Variants in KCNJ6 observed in about 807,000 individuals in gnomAD.
KCNJ6 encodes the protein potassium inwardly rectifying channel subfamily J member 6.
In KCNJ6, 9 loss-of-function variants were observed where a neutral mutation model predicts 34.2. That is an observed-to-expected ratio of 0.26 (90% CI 0.16 to 0.46). The LOEUF (loss-of-function observed/expected upper bound fraction) is 0.46, where lower values mean the gene tolerates loss of function less well. KCNJ6 is among the 20% of genes least tolerant of loss of function. The pLI, the probability that KCNJ6 is intolerant of heterozygous loss-of-function variation, is 1.00. For missense variants in KCNJ6, 236 were observed against 531.3 expected (o/e 0.44, Z 5.46); for synonymous variants, 196 against 207.1 (o/e 0.95, Z 0.46).
intron 2 of KCNJ6, among the ~76,000 whole-genome samples, chr21:37,795,040 A>G (rs2055234571): frequency 6.6e-6 from 1 of 152,196 alleles, no homozygotes; most frequent in African/African-American, 2.4e-5. Context: ...TAAGGCTGGT[A>G]TGAAGTAGGT....
intron 3 of KCNJ6, among the ~76,000 whole-genome samples, chr21:37,631,663 G>A (rs1007653990): frequency 6.6e-6 from 1 of 152,180 alleles, no homozygotes; most frequent in Non-Finnish European, 1.5e-5. Context: ...TTTAACCTGA[G>A]AGTGGCCCCA....
intron 2 of KCNJ6, among the ~76,000 whole-genome samples, chr21:37,819,596 A>C (rs2835988): frequency 0.58 from 88,864 of 151,954 alleles, 26,994 homozygotes; most frequent in South Asian, 0.76. Flanking sequence ...AACCAGGCAG[A>C]AGTAACCTTT....
At chr21:37,718,476 T>C (rs1273165085) in intron 2 of KCNJ6, among the ~76,000 whole-genome samples, 2 of 152,188 alleles carry the variant, frequency 1.3e-5, no homozygotes, top group Admixed American at 1.3e-4. Context: ...GGGTTTAGTG[T>C]TTGTAATGAA....
intron 3 of KCNJ6, among the ~76,000 whole-genome samples, chr21:37,647,120 A>G (rs1052671001): frequency 6.6e-6 from 1 of 152,228 alleles, no homozygotes; most frequent in Non-Finnish European, 1.5e-5. Context: ...GAAGTAATAC[A>G]TGAGGATATA....
At chr21:37,653,361 C>G (rs909040514) in intron 3 of KCNJ6, among the ~76,000 whole-genome samples, 3 of 152,190 alleles carry the variant, frequency 2.0e-5, no homozygotes, top group East Asian at 1.9e-4. Context: ...GAAGTTGACA[C>G]GTGAACTAGT....
chr21:37,655,263 G>A (rs1241146491), intron 3 of KCNJ6, among the ~76,000 whole-genome samples: 63 of 99,252 alleles, frequency 6.3e-4, no homozygotes, highest in South Asian at 9.9e-4. Flanking sequence ...GAGAGAGAGA[G>A]AGAGAGAGAG....
At chr21:37,903,601 C>T (rs936827066) in intron 1 of KCNJ6, among the ~76,000 whole-genome samples, 2 of 152,114 alleles carry the variant, frequency 1.3e-5, no homozygotes, top group African/African-American at 4.8e-5. Context: ...ATCAGATTAC[C>T]GGTGTCTGAA....
intron 2 of KCNJ6, among the ~76,000 whole-genome samples, chr21:37,724,740 C>T (rs1406600694): frequency 6.6e-6 from 1 of 152,130 alleles, no homozygotes; most frequent in African/African-American, 2.4e-5. Context: ...GGGGCTAGAG[C>T]TGAGGGCGAC....
Position 37,715,104 on chromosome 21 carries a change from T to A in KCNJ6, c.53A>T (p.Asp18Val), listed in dbSNP as rs1167413917. Residue 18 changes from aspartate (D) to valine (V), a missense_variant, in exon 3 of 4, where the codon GAT becomes GTT. By Grantham distance (152) the Asp-to-Val change is radical. This residue lies in a region of KCNJ6 where 64 missense variants were observed against 68.9 expected (regional missense o/e 0.93). Coordinates refer to ENST00000609713, the MANE Select transcript of KCNJ6 (RefSeq NM_002240.5). ...GGCCACTGGGCTTTCGACGTCCTGATCCATGGAGTCGCCCTCCAGGACGTT... is the reference window on the plus strand; with the variant it reads ...GGCCACTGGGCTTTCGACGTCCTGAACCATGGAGTCGCCCTCCAGGACGTT... The part of the protein sequence containing the change: ...MTNVLEGDSM[D>V]QDVESPVAIH... 5 of 1,613,742 alleles carry A rather than the reference T, an allele frequency of 3.1e-6. No individual in the cohort carries two copies.
intron 2 of KCNJ6, among the ~76,000 whole-genome samples, chr21:37,805,207 T>C (rs962790809): frequency 6.6e-6 from 1 of 152,122 alleles, no homozygotes; most frequent in Non-Finnish European, 1.5e-5. Context: ...CATGAATTTG[T>C]GAAGACACCA....
At position 37,614,382 on chromosome 21, in the gene KCNJ6, G is replaced by GTGTA. The variant is rs1556008379; in HGVS notation, c.*10776_*10777insTACA. On this transcript the variant is annotated 3_prime_UTR_variant, in exon 4 of 4. Transcript: ENST00000609713. ...AGAGTGTGTGTGTGTGTGTGTGTGT[G>GTGTA]TATATCTGTGTGTGCGTATGCATGT... 2.4e-5 allele frequency: 2 copies of GTGTA among 84,900 alleles called. No homozygotes were observed. The highest frequency in any genetic ancestry group is 7.1e-5 in the African/African-American group (2 of 28,278). 5.3% of individuals were successfully genotyped at this position (84,900 alleles called of 1,614,324 possible).
rs1021114264 is a variant in KCNJ6 at position 37,616,524 on chromosome 21, A to C, written c.*8635T>G. ...TGCTCTCGTCAGTTACCGGGCTGAG[A>C]CCATGTATACGCCCAACCATCACTC... On this transcript the variant is annotated 3_prime_UTR_variant, in exon 4 of 4. Transcript: ENST00000609713. The C allele has an allele frequency of 6.9e-6, 1 of 145,074 alleles. No homozygotes were observed. Among genetic ancestry groups the C allele is most frequent in the Non-Finnish European group, 1.5e-5 (1 of 66,340 alleles). 9.0% of individuals were successfully genotyped at this position (145,074 alleles called of 1,614,324 possible). A position where few individuals can be genotyped will look rare whatever the true frequency, so the allele number is the denominator to read the frequency against.
intron 2 of KCNJ6, among the ~76,000 whole-genome samples, chr21:37,778,324 C>T (rs1417761654): frequency 1.3e-5 from 2 of 152,092 alleles, no homozygotes; most frequent in Non-Finnish European, 2.9e-5. Flanking sequence ...TTTTGAGTCT[C>T]CTCTGTTTCT....
intron 2 of KCNJ6, among the ~76,000 whole-genome samples, chr21:37,727,023 C>A (rs952115074): frequency 6.6e-6 from 1 of 152,098 alleles, no homozygotes; most frequent in African/African-American, 2.4e-5. Flanking sequence ...TCATAAGAGA[C>A]GAGCAGAATT....
chr21:37,649,499 G>A (rs1049608278), intron 3 of KCNJ6, among the ~76,000 whole-genome samples: 2 of 152,200 alleles, frequency 1.3e-5, no homozygotes, highest in Admixed American at 6.5e-5. Context: ...ACGAAACCCA[G>A]GAGACAGGGC....
chr21:37,823,161 C>T (rs181008355), intron 2 of KCNJ6, among the ~76,000 whole-genome samples: 35 of 152,218 alleles, frequency 2.3e-4, no homozygotes, highest in African/African-American at 7.0e-4. Flanking sequence ...CAGCACCTGC[C>T]GAACCAGCCC....
At chr21:37,681,474 C>G (rs1198923372) in intron 3 of KCNJ6, among the ~76,000 whole-genome samples, 1 of 152,206 alleles carries the variant, frequency 6.6e-6, no homozygotes, top group African/African-American at 2.4e-5. Flanking sequence ...TGACAGTTGC[C>G]TGTTGGGGAA....
At position 37,723,703 on chromosome 21, in the gene KCNJ6, GC is replaced by G. The variant is rs550989763; in HGVS notation, c.26-8573del. ...TGTATGTTCTCACTTATGAGTAGGAGCTAAACACTGAGGATTAATGGATGTA... is the reference window on the plus strand; with the variant it reads ...TGTATGTTCTCACTTATGAGTAGGAGTAAACACTGAGGATTAATGGATGTA... On this transcript the variant is annotated intron_variant, in intron 2 of 3. Transcript: ENST00000609713. Among the ~76,000 whole-genome samples, 38 of 152,286 alleles carry G rather than the reference GC, an allele frequency of 2.5e-4. No individual in the cohort carries two copies. In the East Asian group the frequency reaches 6.6e-3, roughly 26 times the overall value.
At chr21:37,896,664 G>A (rs2055789930) in intron 1 of KCNJ6, among the ~76,000 whole-genome samples, 1 of 152,142 alleles carries the variant, frequency 6.6e-6, no homozygotes, top group African/African-American at 2.4e-5. Context: ...AGACTCAAGG[G>A]TGGCACGTGG....
Sources: allele counts gnomAD v4.1 joint callset (sites outside exome capture counted in the v4.1 genomes callset), GRCh38; gene constraint gnomAD v4.1.1; regional missense constraint gnomAD v4.1.1; transcripts MANE v1.5; gene names NCBI Gene and HGNC (gene_info 2026-07-23, HGNC 2026-07-21).